The following EPHB1 variants were observed in gnomAD, a reference collection of about 807,000 sequenced individuals.
EPHB1 encodes ephrin type-B receptor 1.
EPHB1 carries 30 observed loss-of-function variants against 94.4 expected under a neutral mutation model. That is an observed-to-expected ratio of 0.32 (90% CI 0.24 to 0.43). The LOEUF is 0.43. Among genes scored for constraint, EPHB1 ranks in the 20% least tolerant of loss-of-function variants. The probability of loss-of-function intolerance (pLI) is 1.00; values close to 1 mark genes in which losing one functional copy is unlikely to be tolerated. For synonymous variants in EPHB1, 522 were observed against 489.1 expected (o/e 1.07, Z -0.89); for missense variants, 1,055 against 1,308.3 (o/e 0.81, Z 2.99).
chr3:134,928,956 G>A (rs556473341), intron 2 of EPHB1, among the ~76,000 whole-genome samples: 1 of 152,190 alleles, frequency 6.6e-6, no homozygotes, highest in East Asian at 1.9e-4. Flanking sequence ...ATTTCCACTG[G>A]GTTTAGCTGC....
At chr3:135,126,254 C>T (rs1940201251) in intron 4 of EPHB1, among the ~76,000 whole-genome samples, 1 of 152,122 alleles carries the variant, frequency 6.6e-6, no homozygotes, top group Admixed American at 6.5e-5. Flanking sequence ...TCTTCTCAGC[C>T]ATGGAGAACA....
intron 1 of EPHB1, among the ~76,000 whole-genome samples, chr3:134,879,105 C>G (rs2037676267): frequency 6.6e-6 from 1 of 152,164 alleles, no homozygotes; most frequent in Admixed American, 6.5e-5. Context: ...GTGCCTGACT[C>G]CCTTCCTGCA....
intron 3 of EPHB1, among the ~76,000 whole-genome samples, chr3:135,086,284 C>G: frequency 6.6e-6 from 1 of 150,776 alleles, no homozygotes; most frequent in African/African-American, 2.4e-5. Flanking sequence ...TGGAGGAGGA[C>G]CAGAAGAGTG....
intron 1 of EPHB1, among the ~76,000 whole-genome samples, chr3:134,818,785 C>T (rs961650599): frequency 5.3e-5 from 8 of 152,172 alleles, no homozygotes; most frequent in East Asian, 1.9e-4. Flanking sequence ...AATTGGTGGA[C>T]GTTTGGGTTG....
At chr3:135,045,540 A>G (rs1454159524) in intron 3 of EPHB1, among the ~76,000 whole-genome samples, 1 of 152,240 alleles carries the variant, frequency 6.6e-6, no homozygotes, top group Non-Finnish European at 1.5e-5. Flanking sequence ...AACATACACA[A>G]GCTGTGGGTA....
chr3:134,890,133 C>A (rs558436913), intron 1 of EPHB1, among the ~76,000 whole-genome samples: 27 of 152,162 alleles, frequency 1.8e-4, no homozygotes, highest in Admixed American at 1.6e-3. Context: ...CACTACCCCC[C>A]CTTCCACCAG....
chr3:135,071,868 A>G lies in EPHB1; in HGVS notation c.806-34580A>G, dbSNP rs867944874. On this transcript the variant is annotated intron_variant, in intron 3 of 15. Transcript: ENST00000398015. ...TCACTTTGATTGCTCCCAACTTTTT[A>G]CCATCTCAATAAATATCACCACCAC... 8.5e-5 allele frequency among the ~76,000 whole-genome samples: 13 copies of G among 152,102 alleles called. No individual in the cohort carries two copies. In the South Asian group the frequency reaches 2.5e-3, roughly 29 times the overall value.
chr3:135,137,671 T>C (rs562210905), intron 5 of EPHB1, among the ~76,000 whole-genome samples: 4 of 152,160 alleles, frequency 2.6e-5, no homozygotes, highest in Non-Finnish European at 5.9e-5. Flanking sequence ...ACAGGTGTCA[T>C]GATACCTGCT....
chr3:134,857,236 C>G (rs2037142036), intron 1 of EPHB1, among the ~76,000 whole-genome samples: 1 of 152,156 alleles, frequency 6.6e-6, no homozygotes, highest in African/African-American at 2.4e-5. Flanking sequence ...TGCTCAGCCC[C>G]TGTCTGCTTC....
At chr3:135,255,586 TTGTTA>T (rs1408928572) in intron 15 of EPHB1, among the ~76,000 whole-genome samples, 1 of 148,698 alleles carries the variant, frequency 6.7e-6, no homozygotes, top group Non-Finnish European at 1.5e-5. Context: ...GAGAGATAGT[TTGTTA>T]TAATTTCTGT....
chr3:135,122,547 A>G (rs915896405), intron 4 of EPHB1, among the ~76,000 whole-genome samples: 9 of 152,006 alleles, frequency 5.9e-5, no homozygotes, highest in Non-Finnish European at 1.2e-4. Context: ...GTAACCTGAG[A>G]CTAGTCATAA....
chr3:135,075,715 G>T (rs1027293651), intron 3 of EPHB1, among the ~76,000 whole-genome samples: 6 of 152,140 alleles, frequency 3.9e-5, no homozygotes, highest in African/African-American at 1.4e-4. Context: ...CTACTATCCT[G>T]CCTCCACTCC....
chr3:134,844,898 C>G (rs560082362), intron 1 of EPHB1, among the ~76,000 whole-genome samples: 2 of 152,174 alleles, frequency 1.3e-5, no homozygotes, highest in East Asian at 3.8e-4. Context: ...TTTGATGTGA[C>G]GGACTTTTCC....
intron 1 of EPHB1, among the ~76,000 whole-genome samples, chr3:134,859,270 G>C (rs577641565): frequency 9.4e-4 from 143 of 152,208 alleles, no homozygotes; most frequent in African/African-American, 3.4e-3. Flanking sequence ...GATGGTGACC[G>C]ACCGGCAGAG....
intron 1 of EPHB1, among the ~76,000 whole-genome samples, chr3:134,873,728 G>A (rs572537256): frequency 6.6e-6 from 1 of 152,338 alleles, no homozygotes; most frequent in East Asian, 1.9e-4. Context: ...AGCAGGTGGG[G>A]TCAGATGGCA....
chr3:135,122,527 C>T (rs551929858), intron 4 of EPHB1, among the ~76,000 whole-genome samples: 2 of 152,226 alleles, frequency 1.3e-5, no homozygotes, highest in South Asian at 4.2e-4. Flanking sequence ...ATCCATCTCC[C>T]GCATGGATAG....
chr3:135,081,843 G>A (rs546803282), intron 3 of EPHB1, among the ~76,000 whole-genome samples: 1 of 152,244 alleles, frequency 6.6e-6, no homozygotes, highest in Admixed American at 6.5e-5. Flanking sequence ...GCCAACATCA[G>A]GAGAGCAAGA....
intron 1 of EPHB1, among the ~76,000 whole-genome samples, chr3:134,818,432 A>G (rs113866121): frequency 0.043 from 6,543 of 152,200 alleles, 325 homozygotes; most frequent in African/African-American, 0.12. Context: ...TTACATGGGT[A>G]AGTTCTTCAG....
chr3:135,029,310 T>C (rs1936323305), intron 3 of EPHB1, among the ~76,000 whole-genome samples: 1 of 152,030 alleles, frequency 6.6e-6, no homozygotes, highest in South Asian at 2.1e-4. Context: ...TGCAGTTTCT[T>C]CCTAGTCTGG....
Sources: gnomAD v4.1 joint callset for allele counts (sites outside exome capture counted in the v4.1 genomes callset) on GRCh38, gnomAD v4.1.1 for gene constraint, MANE v1.5 for transcripts, NCBI Gene and HGNC (gene_info 2026-07-23, HGNC 2026-07-21) for gene names.